GALNTL6: variants seen among roughly 807,000 people sequenced by gnomAD.
GALNTL6 encodes polypeptide N-acetylgalactosaminyltransferase like 6.
In GALNTL6, 46 loss-of-function variants were observed where a neutral mutation model predicts 73.7. That is an observed-to-expected ratio of 0.62 (90% CI 0.49 to 0.80). GALNTL6 has a LOEUF of 0.80. Ranked by LOEUF, GALNTL6 falls within the 30% of genes least tolerant of loss-of-function variation. The probability of loss-of-function intolerance (pLI) is 0.00; values close to 1 mark genes in which losing one functional copy is unlikely to be tolerated. For missense variants in GALNTL6, 604 were observed against 755.0 expected, an observed-to-expected ratio of 0.80 and a Z score of 2.34; for synonymous variants, 259 against 263.7, an observed-to-expected ratio of 0.98 and a Z score of 0.17.
intron 9 of GALNTL6, among the ~76,000 whole-genome samples, chr4:172,945,960 C>T (rs751558955): frequency 2.0e-5 from 3 of 152,156 alleles, no homozygotes; most frequent in Admixed American, 6.6e-5. Flanking sequence ...CAAAAGCACT[C>T]TTAAGCATCA....
At chr4:173,019,966 C>T (rs1472879750) in intron 11 of GALNTL6, among the ~76,000 whole-genome samples, 2 of 152,268 alleles carry the variant, frequency 1.3e-5, no homozygotes, top group Non-Finnish European at 2.9e-5. Context: ...TATCTGCATA[C>T]AGCTCAGCAT....
intron 5 of GALNTL6, among the ~76,000 whole-genome samples, chr4:172,793,297 G>A (rs2110936559): frequency 6.6e-6 from 1 of 152,240 alleles, no homozygotes; most frequent in South Asian, 2.1e-4. Flanking sequence ...ATAGGGATTT[G>A]ATCTAGCACA....
chr4:172,431,562 T>G (rs963328025), intron 5 of GALNTL6, among the ~76,000 whole-genome samples: 2 of 152,108 alleles, frequency 1.3e-5, no homozygotes, highest in African/African-American at 4.8e-5. Context: ...GAAGTATGAT[T>G]GCTCTAAAAA....
intron 3 of GALNTL6, among the ~76,000 whole-genome samples, chr4:172,271,542 A>G (rs750586495): frequency 1.3e-5 from 2 of 152,152 alleles, no homozygotes; most frequent in Non-Finnish European, 2.9e-5. Context: ...GAGTACATAT[A>G]TATGCACAGA....
In GALNTL6 at chr4:172,487,324, T is replaced by G. The variant is rs183775959; in HGVS notation, c.553+138635T>G. On this transcript the variant is annotated intron_variant, in intron 5 of 12. Transcript: ENST00000506823. ...TGTCTTTCTTTCTTTCTTTCTTTCT[T>G]TCTTTCTTTCTTTCTTTCTTTCTTT... Among the ~76,000 whole-genome samples the G allele has an allele frequency of 8.1e-4, 100 of 123,604 alleles. 1 individual carries two copies. The highest frequency in any genetic ancestry group is 2.7e-3 in the African/African-American group (98 of 36,142). 81.1% of individuals were successfully genotyped at this position (123,604 alleles called of 152,430 possible).
chr4:172,830,838 G>A (rs1218443288), intron 7 of GALNTL6, among the ~76,000 whole-genome samples: 4 of 152,024 alleles, frequency 2.6e-5, no homozygotes, highest in Non-Finnish European at 5.9e-5. Flanking sequence ...AAATGTCTGG[G>A]GCCTAAAGTA....
chr4:171,933,843 C>T (rs1738260882), intron 2 of GALNTL6, among the ~76,000 whole-genome samples: 1 of 152,052 alleles, frequency 6.6e-6, no homozygotes, highest in African/African-American at 2.4e-5. Flanking sequence ...CTAATAGTTA[C>T]TCAAGATTAG....
At chr4:172,158,512 T>G (rs965331740) in intron 2 of GALNTL6, among the ~76,000 whole-genome samples, 5 of 152,156 alleles carry the variant, frequency 3.3e-5, no homozygotes, top group African/African-American at 1.2e-4. Context: ...GTACTTTTAT[T>G]TAAATATAAT....
chr4:172,849,991 C>T (rs1321264714), intron 7 of GALNTL6, among the ~76,000 whole-genome samples: 1 of 152,166 alleles, frequency 6.6e-6, no homozygotes, highest in Non-Finnish European at 1.5e-5. Context: ...CTTTCCTCTT[C>T]ATACTACGTG....
chr4:172,303,570 A>G (rs1055176506), intron 3 of GALNTL6, among the ~76,000 whole-genome samples: 2 of 152,190 alleles, frequency 1.3e-5, no homozygotes, highest in East Asian at 1.9e-4. Flanking sequence ...TGTATTGTGT[A>G]TATTTAAGGC....
At chr4:172,070,778 T>C (rs1317373470) in intron 2 of GALNTL6, among the ~76,000 whole-genome samples, 1 of 110,568 alleles carries the variant, frequency 9.0e-6, no homozygotes, top group African/African-American at 3.4e-5. Context: ...CTAGAAAGGA[T>C]AAAATATACT....
intron 8 of GALNTL6, among the ~76,000 whole-genome samples, chr4:172,893,989 C>T (rs1746188320): frequency 6.6e-6 from 1 of 152,180 alleles, no homozygotes; most frequent in African/African-American, 2.4e-5. Flanking sequence ...TCAGCATTCA[C>T]CAACTCCAGG....
chr4:172,073,834 A>C (rs1384839853), intron 2 of GALNTL6, among the ~76,000 whole-genome samples: 1 of 152,212 alleles, frequency 6.6e-6, no homozygotes, highest in Non-Finnish European at 1.5e-5. Context: ...TTGAGGGGAC[A>C]ATAACTACTG....
At chr4:172,196,991 A>G (rs1383454695) in intron 2 of GALNTL6, among the ~76,000 whole-genome samples, 1 of 152,164 alleles carries the variant, frequency 6.6e-6, no homozygotes, top group Non-Finnish European at 1.5e-5. Flanking sequence ...GAAGACTGTA[A>G]GCAAATTGTC....
At chr4:172,786,318 A>ATAAGTT (rs1739651834) in intron 5 of GALNTL6, among the ~76,000 whole-genome samples, 1 of 152,184 alleles carries the variant, frequency 6.6e-6, no homozygotes, top group African/African-American at 2.4e-5. Context: ...TTTGCAAAAT[A>ATAAGTT]TAAGTTTTGG....
chr4:172,213,324 G>A (rs1275637895), intron 2 of GALNTL6, among the ~76,000 whole-genome samples: 1 of 152,100 alleles, frequency 6.6e-6, no homozygotes, highest in South Asian at 2.1e-4. Flanking sequence ...TTACTGAATT[G>A]TATGAAACTG....
chr4:172,202,751 A>T (rs1430038743), intron 2 of GALNTL6, among the ~76,000 whole-genome samples: 2 of 152,206 alleles, frequency 1.3e-5, no homozygotes, highest in African/African-American at 4.8e-5. Context: ...TTCTTGATGT[A>T]ATGAATTATT....
chr4:173,012,292 T>C (rs1450387565), intron 11 of GALNTL6, among the ~76,000 whole-genome samples: 2 of 152,166 alleles, frequency 1.3e-5, no homozygotes, highest in Non-Finnish European at 2.9e-5. Context: ...CAGCGCAGGA[T>C]GTTAAAGAGT....
intron 9 of GALNTL6, among the ~76,000 whole-genome samples, chr4:172,949,523 A>G (rs1449361095): frequency 6.6e-6 from 1 of 152,234 alleles, no homozygotes; most frequent in Non-Finnish European, 1.5e-5. Flanking sequence ...ATTGCAGTTT[A>G]GGGGAAAAGA....
Sources: gnomAD v4.1 joint callset for allele counts (sites outside exome capture counted in the v4.1 genomes callset) on GRCh38, gnomAD v4.1.1 for gene constraint, MANE v1.5 for transcripts, NCBI Gene and HGNC (gene_info 2026-07-23, HGNC 2026-07-21) for gene names.